Variants in DLG2 observed in about 807,000 individuals in gnomAD.
DLG2 encodes discs large MAGUK scaffold protein 2, also known as disks large homolog 2.
A neutral mutation model predicts 132.5 loss-of-function variants in DLG2; 45 were observed. The observed-to-expected ratio is 0.34, with a 90% CI of 0.27 to 0.44. The LOEUF (loss-of-function observed/expected upper bound fraction) is 0.44. Among genes scored for constraint, DLG2 ranks in the 20% least tolerant of loss-of-function variants. DLG2 has a pLI of 1.00. For missense variants in DLG2, 1,045 were observed against 1,196.9 expected, an observed-to-expected ratio of 0.87 and a Z score of 1.87; for synonymous variants, 424 against 419.6, an observed-to-expected ratio of 1.01 and a Z score of -0.13.
chr11:83,622,723 C>T (rs1156420952), intron 19 of DLG2, among the ~76,000 whole-genome samples: 1 of 152,140 alleles, frequency 6.6e-6, no homozygotes, highest in Non-Finnish European at 1.5e-5. Context: ...TTTGAGAGAT[C>T]TTCCTGGTAG....
intron 6 of DLG2, among the ~76,000 whole-genome samples, chr11:85,060,543 G>A (rs998671904): frequency 4.7e-5 from 7 of 150,376 alleles, no homozygotes; most frequent in Middle Eastern, 3.4e-3. Flanking sequence ...ATATACACGC[G>A]TACATATATA....
chr11:84,019,257 T>G (rs1209770745), intron 11 of DLG2, among the ~76,000 whole-genome samples: 2 of 152,152 alleles, frequency 1.3e-5, no homozygotes, highest in Non-Finnish European at 2.9e-5. Flanking sequence ...ATTCTATGTA[T>G]TTCCAGGAGT....
intron 7 of DLG2, among the ~76,000 whole-genome samples, chr11:84,262,058 T>A (rs1391044802): frequency 1.3e-5 from 2 of 152,198 alleles, no homozygotes; most frequent in Non-Finnish European, 2.9e-5. Flanking sequence ...TGGTACTTTG[T>A]GCTTATTCTT....
At chr11:83,494,500 T>C (rs544582459) in intron 21 of DLG2, among the ~76,000 whole-genome samples, 3 of 151,618 alleles carry the variant, frequency 2.0e-5, no homozygotes, top group African/African-American at 2.4e-5. Flanking sequence ...TCCCACAAGA[T>C]GAAGGAACAA....
At chr11:85,459,890 C>G (rs2092549318) in intron 3 of DLG2, among the ~76,000 whole-genome samples, 1 of 152,188 alleles carries the variant, frequency 6.6e-6, no homozygotes, top group Non-Finnish European at 1.5e-5. Flanking sequence ...AGGTCCAGGA[C>G]TCATGTGTAG....
At chr11:84,936,479 TTAAA>T (rs1451665940) in intron 6 of DLG2, among the ~76,000 whole-genome samples, 22 of 152,088 alleles carry the variant, frequency 1.4e-4, no homozygotes, top group African/African-American at 4.3e-4. Context: ...TTATCATTAG[TTAAA>T]TAAATAAATG....
At chr11:84,788,759 A>G (rs576346061) in intron 6 of DLG2, among the ~76,000 whole-genome samples, 2 of 152,312 alleles carry the variant, frequency 1.3e-5, no homozygotes, top group African/African-American at 4.8e-5. Flanking sequence ...TTGCTCTTCA[A>G]TCACCTAGCA....
chr11:84,471,008 A>G (rs768384850), intron 7 of DLG2, among the ~76,000 whole-genome samples: 1 of 151,734 alleles, frequency 6.6e-6, no homozygotes, highest in Non-Finnish European at 1.5e-5. Context: ...TGACTTATAC[A>G]CTGTGTTTCC....
chr11:84,951,917 T>C (rs761925637), intron 6 of DLG2, among the ~76,000 whole-genome samples: 29 of 152,188 alleles, frequency 1.9e-4, no homozygotes, highest in Non-Finnish European at 4.0e-4. Flanking sequence ...GAGTTAATAC[T>C]ATTGCTCTGT....
intron 22 of DLG2, among the ~76,000 whole-genome samples, chr11:83,483,857 A>G (rs925714547): frequency 1.3e-5 from 2 of 152,142 alleles, no homozygotes; most frequent in African/African-American, 4.8e-5. Context: ...GAAAAGGCAA[A>G]CCGGACCCAG....
chr11:85,138,548 T>C (rs555336577), intron 5 of DLG2, among the ~76,000 whole-genome samples: 188 of 152,256 alleles, frequency 1.2e-3, no homozygotes, highest in Middle Eastern at 6.8e-3. Flanking sequence ...TACCCTGATA[T>C]GGTTTGGTTG....
rs563424510 is a variant in DLG2 at position 84,671,254 on chromosome 11, A to G, written c.358-136523T>C. 4.6e-5 allele frequency among the ~76,000 whole-genome samples: 7 copies of G among 152,118 alleles called. No homozygotes were observed. The East Asian group carries it at 1.4e-3, about 29-fold the overall frequency. On this transcript the variant is annotated intron_variant, in intron 6 of 27. Transcript: ENST00000376104. Reference sequence around the variant, plus strand: ...GCTGTGACTATAGGTACATGCCACCATGCCCGGCTTATTTTTTTAAATTTT... The same window carrying G: ...GCTGTGACTATAGGTACATGCCACCGTGCCCGGCTTATTTTTTTAAATTTT...
intron 15 of DLG2, among the ~76,000 whole-genome samples, chr11:83,923,951 T>C (rs1484586003): frequency 6.6e-6 from 1 of 152,116 alleles, no homozygotes. Flanking sequence ...TCTTCTATGA[T>C]ACACAGCTGC....
At chr11:84,859,807 C>T (rs537034069) in intron 6 of DLG2, among the ~76,000 whole-genome samples, 17 of 151,854 alleles carry the variant, frequency 1.1e-4, no homozygotes, top group Non-Finnish European at 2.4e-4. Context: ...CATGAATCAG[C>T]ACACTCAAAG....
intron 7 of DLG2, among the ~76,000 whole-genome samples, chr11:84,427,309 C>G (rs752862864): frequency 2.0e-5 from 3 of 152,126 alleles, no homozygotes; most frequent in Admixed American, 1.3e-4. Flanking sequence ...TAGGTAGATT[C>G]TTCACATGCA....
intron 17 of DLG2, among the ~76,000 whole-genome samples, chr11:83,797,508 T>G (rs115785442): frequency 0.022 from 3,346 of 152,160 alleles, 83 homozygotes; most frequent in African/African-American, 0.058. Context: ...ATTCTTTTTT[T>G]TTTTGTTTTG....
At chr11:85,421,420 C>T (rs1296337020) in intron 3 of DLG2, among the ~76,000 whole-genome samples, 57 of 145,824 alleles carry the variant, frequency 3.9e-4, no homozygotes, top group South Asian at 4.4e-4. Flanking sequence ...ATCCCTCCCC[C>T]TTTTTTTTTT....
chr11:83,642,294 A>C (rs1252442810), intron 18 of DLG2, among the ~76,000 whole-genome samples: 1 of 152,232 alleles, frequency 6.6e-6, no homozygotes, highest in Non-Finnish European at 1.5e-5. Flanking sequence ...ACCAGATCTA[A>C]TACTAAATAG....
intron 3 of DLG2, among the ~76,000 whole-genome samples, chr11:85,458,720 C>A (rs561906296): frequency 6.6e-6 from 1 of 152,168 alleles, no homozygotes; most frequent in South Asian, 2.1e-4. Context: ...GGGCTGTGAT[C>A]CAGTAGGTGG....
Sources: gnomAD v4.1 joint callset for allele counts (sites outside exome capture counted in the v4.1 genomes callset) on GRCh38, gnomAD v4.1.1 for gene constraint, MANE v1.5 for transcripts, NCBI Gene and HGNC (gene_info 2026-07-23, HGNC 2026-07-21) for gene names.